CEMIP: variants seen among roughly 807,000 people sequenced by gnomAD.
CEMIP encodes the protein cell migration inducing hyaluronidase 1, also known as cell migration-inducing and hyaluronan-binding protein.
In CEMIP, 105 loss-of-function variants were observed where a neutral mutation model predicts 156.9. The ratio of observed to expected loss-of-function variants is 0.67; its 90% CI spans 0.57 to 0.79. The LOEUF (loss-of-function observed/expected upper bound fraction) is 0.79, where lower values mean the gene tolerates loss of function less well. Ranked by LOEUF, CEMIP falls within the 30% of genes least tolerant of loss-of-function variation. The pLI is 0.00. For missense variants in CEMIP, 1,457 were observed against 1,769.4 expected, an observed-to-expected ratio of 0.82 and a Z score of 3.17; for synonymous variants, 676 against 668.4, an observed-to-expected ratio of 1.01 and a Z score of -0.17.
intron 1 of CEMIP, among the ~76,000 whole-genome samples, chr15:80,791,869 G>A (rs1043718486): frequency 1.3e-5 from 2 of 152,220 alleles, no homozygotes; most frequent in Admixed American, 1.3e-4. Flanking sequence ...TCCCCTTTGG[G>A]GAGGAGGGAG....
intron 1 of CEMIP, among the ~76,000 whole-genome samples, chr15:80,818,191 A>G (rs1226033470): frequency 6.6e-6 from 1 of 152,236 alleles, no homozygotes; most frequent in Non-Finnish European, 1.5e-5. Context: ...GCAAGGAGAT[A>G]CTGTCTCTCA....
In CEMIP at chr15:80,851,025, A is replaced by G. The variant is rs190198791; in HGVS notation, c.-175-22513A>G. Among the ~76,000 whole-genome samples, 483 of 152,304 alleles carry G rather than the reference A, an allele frequency of 3.2e-3. 11 individuals carry two copies. The highest frequency in any genetic ancestry group is 0.013 in the East Asian group (68 of 5,174). ...ATGAGACTGACTTCAGACTCTCTCTATCTCCAAGCCCAGGATCCTGGGAAG... is the reference window on the plus strand; with the variant it reads ...ATGAGACTGACTTCAGACTCTCTCTGTCTCCAAGCCCAGGATCCTGGGAAG... On this transcript the variant is annotated intron_variant, in intron 1 of 29. Coordinates refer to ENST00000394685, the MANE Select transcript of CEMIP (RefSeq NM_001293298.2).
At chr15:80,798,554 C>A (rs1052151812) in intron 1 of CEMIP, among the ~76,000 whole-genome samples, 1 of 152,100 alleles carries the variant, frequency 6.6e-6, no homozygotes, top group Admixed American at 6.5e-5. Flanking sequence ...CTTAAAAAAT[C>A]ATTTTAACAG....
chr15:80,895,246 C>T (rs987808609), intron 11 of CEMIP, 124 bp downstream of exon 11: 2 of 1,315,496 alleles, frequency 1.5e-6, no homozygotes, highest in Non-Finnish European at 2.2e-6. Context: ...ACTTTTGTGA[C>T]ACGGGAGCAG....
chr15:80,855,966 C>T (rs1257937507), intron 1 of CEMIP, among the ~76,000 whole-genome samples: 2 of 152,200 alleles, frequency 1.3e-5, no homozygotes, highest in African/African-American at 2.4e-5. Flanking sequence ...CACACAGCAA[C>T]GTAGGTGAAT....
At position 80,929,864 on chromosome 15, in the gene CEMIP, C is replaced by T. The variant is rs116317747; in HGVS notation, c.2612+690C>T. Among the ~76,000 whole-genome samples, 1,253 of 152,290 alleles carry T rather than the reference C, an allele frequency of 8.2e-3. 19 individuals carry two copies. The highest frequency in any genetic ancestry group is 0.029 in the African/African-American group (1,198 of 41,548). On this transcript the variant is annotated intron_variant, in intron 21 of 29. Transcript: ENST00000394685. ...GTTCAAATGAAGGTCAGACGATAAGCAGGTGGGTGGAGAATGAATGGGTGA... is the reference window on the plus strand; with the variant it reads ...GTTCAAATGAAGGTCAGACGATAAGTAGGTGGGTGGAGAATGAATGGGTGA...
intron 1 of CEMIP, among the ~76,000 whole-genome samples, chr15:80,818,164 A>G (rs777893056): frequency 2.6e-5 from 4 of 152,210 alleles, no homozygotes; most frequent in Non-Finnish European, 5.9e-5. Flanking sequence ...ACTCATGTTC[A>G]TGTCCAATGT....
At chr15:80,842,831 A>G (rs1315169297) in intron 1 of CEMIP, among the ~76,000 whole-genome samples, 4 of 152,298 alleles carry the variant, frequency 2.6e-5, no homozygotes, top group South Asian at 4.1e-4. Flanking sequence ...TTGAGAGAGA[A>G]TAAGGGTCGT....
At chr15:80,904,894 A>T (rs1899730130) in intron 12 of CEMIP, among the ~76,000 whole-genome samples, 2 of 152,140 alleles carry the variant, frequency 1.3e-5, no homozygotes, top group Non-Finnish European at 2.9e-5. Context: ...CAGGATAGGA[A>T]ACTAATACCA....
chr15:80,863,124 G>T (rs1898028776), intron 1 of CEMIP, among the ~76,000 whole-genome samples: 1 of 152,180 alleles, frequency 6.6e-6, no homozygotes, highest in African/African-American at 2.4e-5. Context: ...ATGATGCTGG[G>T]AGACAAAACA....
intron 1 of CEMIP, chr15:80,842,146 A>G: frequency 2.0e-6 from 1 of 504,274 alleles, no homozygotes; most frequent in South Asian, 1.5e-5. Flanking sequence ...CACGTTGGGT[A>G]CCATTTGTAC....
chr15:80,781,680 G>A (rs910259652), intron 1 of CEMIP, among the ~76,000 whole-genome samples: 1 of 152,164 alleles, frequency 6.6e-6, no homozygotes, highest in Non-Finnish European at 1.5e-5. Context: ...TTTTGAGACA[G>A]CATCTGTGAC....
rs1167947295 is a variant in CEMIP, at chr15:80,795,947, T to A, written c.-176+16333T>A. 2.6e-5 allele frequency among the ~76,000 whole-genome samples: 4 copies of A among 152,304 alleles called. No individual in the cohort carries two copies. In the South Asian group the frequency reaches 8.3e-4, roughly 32 times the overall value. ...AGAATTTTAAATGATATGGAGTTTT[T>A]TGTTATTATCTCTGAGGAAATGATA... On this transcript the variant is annotated intron_variant, in intron 1 of 29. Coordinates refer to ENST00000394685, the MANE Select transcript of CEMIP (RefSeq NM_001293298.2).
chr15:80,802,664 A>G (rs1401785472), intron 1 of CEMIP, among the ~76,000 whole-genome samples: 3 of 152,194 alleles, frequency 2.0e-5, no homozygotes, highest in African/African-American at 7.2e-5. Context: ...ACTGAAATAA[A>G]TCTATTGGTT....
intron 14 of CEMIP, among the ~76,000 whole-genome samples, chr15:80,914,616 G>A (rs1241801058): frequency 6.6e-6 from 1 of 152,164 alleles, no homozygotes; most frequent in Non-Finnish European, 1.5e-5. Flanking sequence ...CTCTCTCCTG[G>A]ACTCAAAGCT....
At chr15:80,839,289 A>AGTGTGTGTGTGTGT (rs34172431) in intron 1 of CEMIP, among the ~76,000 whole-genome samples, 5,515 of 131,078 alleles carry the variant, frequency 0.042, 211 homozygotes, top group East Asian at 0.087. Flanking sequence ...CAAGGCCGTG[A>AGTGTGTGTGTGTGT]GTGTGTGTGT....
chr15:80,793,325 C>T (rs1896130479), intron 1 of CEMIP, among the ~76,000 whole-genome samples: 1 of 152,120 alleles, frequency 6.6e-6, no homozygotes, highest in Admixed American at 6.5e-5. Flanking sequence ...TAGACCAACG[C>T]CCTCAAAGTT....
intron 12 of CEMIP, among the ~76,000 whole-genome samples, chr15:80,898,649 C>T (rs1546427): frequency 0.95 from 145,161 of 152,256 alleles, 69,566 homozygotes; most frequent in East Asian, 1. Flanking sequence ...TGGGCTTAAG[C>T]GATCCTCCCT....
chr15:80,880,915 T>A lies in CEMIP; in HGVS notation c.396T>A (p.Ile132=). The A allele has an allele frequency of 6.2e-7, 1 of 1,614,148 alleles. No homozygotes were observed. Among genetic ancestry groups the A allele is most frequent in the Non-Finnish European group, 8.5e-7 (1 of 1,180,000 alleles). Residue 132 remains isoleucine, a synonymous_variant, in exon 6 of 30, where the codon ATT becomes ATA. Coordinates refer to ENST00000394685, the MANE Select transcript of CEMIP (RefSeq NM_001293298.2). ...IILYGRADEG[I]QPDPYYGLKY... ...TCTCTTGCAGGGCTGATGAAGGTAT[T>A]CAGCCGGATCCTTACTATGGTCTGA...
Sources: allele counts gnomAD v4.1 joint callset (sites outside exome capture counted in the v4.1 genomes callset), GRCh38; gene constraint gnomAD v4.1.1; transcripts MANE v1.5; gene names NCBI Gene and HGNC (gene_info 2026-07-23, HGNC 2026-07-21).